The following EFHC1 variants were observed in gnomAD, a reference collection of about 807,000 sequenced individuals.
EFHC1 encodes the protein EF-hand domain containing 1, also known as EF-hand domain-containing protein 1.
A neutral mutation model predicts 69.9 loss-of-function variants in EFHC1; 53 were observed. The observed-to-expected ratio is 0.76, with a 90% CI of 0.61 to 0.95. The LOEUF (loss-of-function observed/expected upper bound fraction) is 0.95, where lower values mean the gene tolerates loss of function less well. Ranked by LOEUF, EFHC1 falls within the 40% of genes least tolerant of loss-of-function variation. EFHC1 has a pLI of 0.00. For missense variants in EFHC1, 739 were observed against 798.7 expected (o/e 0.93, Z 0.90); for synonymous variants, 256 against 278.4 (o/e 0.92, Z 0.80).
intron 2 of EFHC1, among the ~76,000 whole-genome samples, chr6:52,424,872 A>G (rs1337850277): frequency 1.3e-5 from 2 of 152,206 alleles, no homozygotes; most frequent in African/African-American, 2.4e-5. Flanking sequence ...CATCAGTTCT[A>G]ATTTCCAGAT....
At chr6:52,453,984 T>C in intron 4 of EFHC1, 111 bp from the exon 5 acceptor site, 1 of 1,586,392 alleles carries the variant, frequency 6.3e-7, no homozygotes, top group Non-Finnish European at 8.6e-7. Flanking sequence ...CTGAAATTAC[T>C]TCATAGTCTT....
In EFHC1 at chr6:52,490,338, CTTGGTTAAGGAGGTCAGTATGAAT is replaced by C. The variant is rs775583843; in HGVS notation, c.1841_1851+13del. ...CGCTTAACGTCCCAGTGGATGACTC[CTTGGTTAAGGAGGTCAGTATGAAT>C]TACTCTTCTGAGTTCATTGCAGAGG... On this transcript the variant is annotated splice_donor_variant and splice_donor_5th_base_variant and coding_sequence_variant and intron_variant, in exon 10 of 11. Coordinates refer to ENST00000371068, the MANE Select transcript of EFHC1 (RefSeq NM_018100.4). LOFTEE classifies it high-confidence loss of function. 109 of 1,613,952 alleles carry C rather than the reference CTTGGTTAAGGAGGTCAGTATGAAT, an allele frequency of 6.8e-5. No individual in the cohort carries two copies. Among genetic ancestry groups the C allele is most frequent in the Non-Finnish European group, 7.4e-5 (87 of 1,179,878 alleles).
chr6:52,452,201 G>A (rs924696708), intron 3 of EFHC1, among the ~76,000 whole-genome samples: 1 of 152,214 alleles, frequency 6.6e-6, no homozygotes, highest in African/African-American at 2.4e-5. Context: ...CTGCATTATG[G>A]AGTTGGCTCA....
chr6:52,455,624 A>T (rs909600696), intron 5 of EFHC1, among the ~76,000 whole-genome samples: 20 of 152,066 alleles, frequency 1.3e-4, no homozygotes, highest in Non-Finnish European at 1.9e-4. Flanking sequence ...ACTGCACTCC[A>T]GCCTGGGTGA....
chr6:52,426,015 C>A (rs868241329), intron 2 of EFHC1, among the ~76,000 whole-genome samples: 32 of 152,158 alleles, frequency 2.1e-4, no homozygotes, highest in African/African-American at 7.0e-4. Context: ...ACTTCCAGCT[C>A]TTTATTTCTG....
intron 3 of EFHC1, among the ~76,000 whole-genome samples, chr6:52,439,716 CAT>C (rs1764617658): frequency 6.6e-6 from 1 of 152,026 alleles, no homozygotes. Context: ...GATAAGATGA[CAT>C]ATGAATAGAG....
At chr6:52,440,915 T>C (rs1249437446) in intron 3 of EFHC1, among the ~76,000 whole-genome samples, 1 of 152,190 alleles carries the variant, frequency 6.6e-6, no homozygotes, top group African/African-American at 2.4e-5. Context: ...CATATGGTTA[T>C]TGGCCATGTG....
chr6:52,453,445 T>A (rs1764963554), intron 4 of EFHC1: 1 of 1,287,088 alleles, frequency 7.8e-7, no homozygotes, highest in African/African-American at 1.5e-5. Context: ...AAGGAAGAGA[T>A]CACCCTCAGT....
At chr6:52,427,515 A>C (rs1213527838) in intron 2 of EFHC1, among the ~76,000 whole-genome samples, 1 of 150,078 alleles carries the variant, frequency 6.7e-6, no homozygotes, top group Admixed American at 6.7e-5. Flanking sequence ...CCACTCTGCT[A>C]TGGCAGTTCC....
Position 52,465,006 on chromosome 6 carries a change from T to G in EFHC1, c.1028T>G (p.Phe343Cys). The part of the protein sequence containing the change: ...KSLTILGRTF[F>C]IYDCDPFTRR... ...CTCACTATCCTTGGGAGAACTTTCT[T>G]CATTTATGATTGTGATCCATTTACT... The change falls in exon 6 of 11, where the codon TTC (phenylalanine) becomes TGC (cysteine). Residue 343 changes from phenylalanine (F) to cysteine (C), a missense_variant. By Grantham distance (205) the Phe-to-Cys change is radical. Transcript: ENST00000371068. 3.7e-6 allele frequency: 6 copies of G among 1,614,200 alleles called. No individual in the cohort carries two copies. Among genetic ancestry groups the G allele is most frequent in the Non-Finnish European group, 5.1e-6 (6 of 1,180,028 alleles).
intron 5 of EFHC1, among the ~76,000 whole-genome samples, chr6:52,462,961 C>G (rs1468846999): frequency 6.6e-6 from 1 of 150,908 alleles, no homozygotes; most frequent in Non-Finnish European, 1.5e-5. Context: ...CAACTTTATG[C>G]CAATAAATTT....
In EFHC1 at chr6:52,492,735, C is replaced by T. The variant is rs776770714; in HGVS notation, c.*394C>T. 15 of 442,820 alleles carry T rather than the reference C, an allele frequency of 3.4e-5. No homozygotes were observed. The highest frequency in any genetic ancestry group is 6.7e-5 in the Non-Finnish European group (15 of 222,448). 27.4% of individuals were successfully genotyped at this position (442,820 alleles called of 1,614,324 possible). The stretch of plus-strand genomic sequence containing the variant: ...GCTCAAGTGATCCTCCCACTTCAAC[C>T]TCCCCAGTAGCTGGGACAACAGGCT... On this transcript the variant is annotated 3_prime_UTR_variant, in exon 11 of 11. Coordinates refer to ENST00000371068, the MANE Select transcript of EFHC1 (RefSeq NM_018100.4).
intron 3 of EFHC1, among the ~76,000 whole-genome samples, chr6:52,447,734 G>A (rs149929815): frequency 2.6e-4 from 40 of 152,288 alleles, no homozygotes; most frequent in Middle Eastern, 3.4e-3. Flanking sequence ...TGATGGTGAC[G>A]TACAGATAGG....
rs971402713 is a variant in EFHC1, at chr6:52,495,057, A to G, written c.*2716A>G. On this transcript the variant is annotated 3_prime_UTR_variant, in exon 11 of 11. Transcript: ENST00000371068. ...AGTGCACCACTCTCAGATGGACGGG[A>G]CCCAGTCTGTACCTGATCACCCCGG... 4 of 453,864 alleles carry G rather than the reference A, an allele frequency of 8.8e-6. No homozygotes were observed. The highest frequency in any genetic ancestry group is 7.1e-5 in the Admixed American group (3 of 42,540). 28.1% of individuals were successfully genotyped at this position (453,864 alleles called of 1,614,324 possible). A position where few individuals can be genotyped will look rare whatever the true frequency, so the allele number is the denominator to read the frequency against.
intron 1 of EFHC1, chr6:52,423,665 T>TTTTTTC: frequency 4.5e-6 from 2 of 448,196 alleles, no homozygotes; most frequent in Non-Finnish European, 7.7e-6. Flanking sequence ...TAATTTTTTT[T>TTTTTTC]TTTTTTTTTT....
At chr6:52,438,736 T>C (rs1316511494) in intron 3 of EFHC1, 145 bp downstream of exon 3, 1 of 855,922 alleles carries the variant, frequency 1.2e-6, no homozygotes. Flanking sequence ...TTTGCATGTG[T>C]GTATGTGCTA....
In EFHC1 at chr6:52,494,355, G is replaced by A. The variant is rs1268504152; in HGVS notation, c.*2014G>A. ...TGTGGTAAAGAGTGTGTGTATACTG[G>A]GGTGATGATAGTGGTTTCTTCTTAC... On this transcript the variant is annotated 3_prime_UTR_variant, in exon 11 of 11. Transcript: ENST00000371068. 6.6e-6 allele frequency: 3 copies of A among 454,062 alleles called. No individual in the cohort carries two copies. Among genetic ancestry groups the A allele is most frequent in the Non-Finnish European group, 1.3e-5 (3 of 226,790 alleles). 28.1% of individuals were successfully genotyped at this position (454,062 alleles called of 1,614,324 possible).
At chr6:52,480,007 T>C (rs1254912519) in intron 9 of EFHC1, 4 of 745,510 alleles carry the variant, frequency 5.4e-6, no homozygotes, top group Non-Finnish European at 8.6e-6. Context: ...TTGAACAATG[T>C]GGGAGTTAGG....
In EFHC1 at chr6:52,482,837, G is replaced by A. The variant is rs530642950; in HGVS notation, c.1640+3050G>A. On this transcript the variant is annotated intron_variant, in intron 9 of 10. Coordinates refer to ENST00000371068, the MANE Select transcript of EFHC1 (RefSeq NM_018100.4). ...CACATCCAGATTCTCTTGAAAGGCA[G>A]CTGTGTCGACATTCCTACAGTCAGC... 17 of 398,590 alleles carry A rather than the reference G, an allele frequency of 4.3e-5. No individual in the cohort carries two copies. In the South Asian group the frequency reaches 1.7e-3, roughly 39 times the overall value. 24.7% of individuals were successfully genotyped at this position (398,590 alleles called of 1,614,324 possible).
Sources: gnomAD v4.1 joint callset for allele counts (sites outside exome capture counted in the v4.1 genomes callset) on GRCh38, gnomAD v4.1.1 for gene constraint, MANE v1.5 for transcripts, NCBI Gene and HGNC (gene_info 2026-07-23, HGNC 2026-07-21) for gene names.